Variants in SPANXN2 observed in about 807,000 individuals in gnomAD.
SPANXN2 encodes SPANX family member N2.
A neutral mutation model predicts 2.0 loss-of-function variants in SPANXN2; 1 was observed. That is an observed-to-expected ratio of 0.50 (90% CI 0.18 to 2.36). The LOEUF is 2.36. Ranked by LOEUF, SPANXN2 falls within the 30% of genes most tolerant of loss-of-function variation. SPANXN2 has a pLI of 0.26. For missense variants in SPANXN2, 88 were observed against 116.7 expected, an observed-to-expected ratio of 0.75 and a Z score of 1.13; for synonymous variants, 43 against 49.8, an observed-to-expected ratio of 0.86 and a Z score of 0.58.
intron 1 of SPANXN2, among the ~76,000 whole-genome samples, chrX:143,713,572 C>A (rs781961105): frequency 7.2e-5 from 8 of 111,588 alleles, no homozygotes; most frequent in African/African-American, 2.6e-4. Context: ...ACGTTTGCCA[C>A]TCTGGCTGCT....
At chrX:143,718,926 T>C (rs1236773985) in intron 1 of SPANXN2, among the ~76,000 whole-genome samples, 1 of 111,229 alleles carries the variant, frequency 9.0e-6, no homozygotes, top group Admixed American at 9.6e-5. Context: ...TCAGCCTCAC[T>C]GCCTCTTAAA....
At chrX:143,713,700 C>T (rs1932207458) in intron 1 of SPANXN2, among the ~76,000 whole-genome samples, 2 of 111,418 alleles carry the variant, frequency 1.8e-5, no homozygotes, top group African/African-American at 6.6e-5. Context: ...GGAGTACTCG[C>T]TCACCCCTGG....
At chrX:143,712,656 G>A (rs1213494061) in intron 1 of SPANXN2, among the ~76,000 whole-genome samples, 157 bp from the exon 2 acceptor site, 15 of 110,604 alleles carry the variant, frequency 1.4e-4, no homozygotes, top group Admixed American at 5.8e-4. Flanking sequence ...TGATCTATGG[G>A]GAAGAAGAAG....
intron 1 of SPANXN2, among the ~76,000 whole-genome samples, chrX:143,712,861 G>C (rs1556448726): frequency 9.0e-6 from 1 of 111,616 alleles, no homozygotes. Context: ...GCTTGGCAAA[G>C]TTCTAAGGAA....
At chrX:143,720,216 G>A (rs1426767181) in intron 1 of SPANXN2, among the ~76,000 whole-genome samples, 8 of 109,782 alleles carry the variant, frequency 7.3e-5, no homozygotes, top group South Asian at 3.9e-4. Context: ...CGGGGGTTCG[G>A]GCCATGAGAA....
Position 143,717,477 on chromosome X carries a change from A to AT in SPANXN2, c.78+3113dup, listed in dbSNP as rs199825495. ...CCTTAAAACCCCATCGTTATTGCTC[A>AT]TTTTTTTTCCCAGCATACACCCTGT... On this transcript the variant is annotated intron_variant, in intron 1 of 1. Transcript: ENST00000598475. Among the ~76,000 whole-genome samples, 579 of 110,590 alleles carry AT rather than the reference A, an allele frequency of 5.2e-3. 3 individuals are homozygous for AT. The highest frequency in any genetic ancestry group is 0.018 in the African/African-American group (536 of 30,377).
At chrX:143,714,633 C>G (rs1932227354) in intron 1 of SPANXN2, among the ~76,000 whole-genome samples, 2 of 111,962 alleles carry the variant, frequency 1.8e-5, no homozygotes, top group African/African-American at 6.5e-5. Flanking sequence ...CGTTTCCTCT[C>G]CTGCCTTTCA....
intron 1 of SPANXN2, among the ~76,000 whole-genome samples, chrX:143,714,424 C>A (rs1556449129): frequency 9.0e-6 from 1 of 111,320 alleles, no homozygotes; most frequent in African/African-American, 3.3e-5. Flanking sequence ...CCCTGGAGGA[C>A]AGGGAACACA....
At chrX:143,715,203 C>G (rs1932237696) in intron 1 of SPANXN2, among the ~76,000 whole-genome samples, 1 of 111,189 alleles carries the variant, frequency 9.0e-6, no homozygotes, top group Non-Finnish European at 1.9e-5. Context: ...CATGTCTTTC[C>G]TATTGGATAC....
intron 1 of SPANXN2, among the ~76,000 whole-genome samples, chrX:143,715,233 C>T (rs1199641790): frequency 2.7e-5 from 3 of 110,985 alleles, no homozygotes; most frequent in African/African-American, 9.9e-5. Flanking sequence ...CAACTAGTTA[C>T]TCAGTTTGAC....
At chrX:143,714,914 C>A (rs1308198786) in intron 1 of SPANXN2, among the ~76,000 whole-genome samples, 8 of 111,799 alleles carry the variant, frequency 7.2e-5, no homozygotes, top group African/African-American at 2.0e-4. Flanking sequence ...TTCCCAAGGC[C>A]TACAGAATTC....
At chrX:143,720,534 C>G (rs1318569955) in intron 1 of SPANXN2, 57 bp downstream of exon 1, 2 of 1,165,650 alleles carry the variant, frequency 1.7e-6, no homozygotes, top group Non-Finnish European at 1.2e-6. Flanking sequence ...TGAGCCGTCC[C>G]TTCTCTGTGT....
intron 1 of SPANXN2, among the ~76,000 whole-genome samples, chrX:143,719,515 G>A (rs781942078): frequency 1.8e-5 from 2 of 111,734 alleles, no homozygotes; most frequent in Non-Finnish European, 3.8e-5. Flanking sequence ...TAAAACAAAG[G>A]GTTTGTGCAG....
chrX:143,712,901 G>A (rs2124001516), intron 1 of SPANXN2, among the ~76,000 whole-genome samples: 1 of 111,316 alleles, frequency 9.0e-6, no homozygotes, highest in South Asian at 3.8e-4. Flanking sequence ...TGGAAAAAGG[G>A]CCAAACCACC....
intron 1 of SPANXN2, among the ~76,000 whole-genome samples, chrX:143,718,569 G>T (rs781981142): frequency 3.6e-5 from 4 of 111,757 alleles, no homozygotes; most frequent in Non-Finnish European, 7.5e-5. Flanking sequence ...TCCACATCTA[G>T]AAATTTGTTC....
At chrX:143,715,472 T>C (rs1434595231) in intron 1 of SPANXN2, among the ~76,000 whole-genome samples, 1 of 110,186 alleles carries the variant, frequency 9.1e-6, no homozygotes, top group East Asian at 2.9e-4. Flanking sequence ...CCTTTTATTT[T>C]ACTCTGACAC....
intron 1 of SPANXN2, among the ~76,000 whole-genome samples, chrX:143,719,637 A>G (rs1431632382): frequency 3.6e-5 from 4 of 112,068 alleles, no homozygotes; most frequent in Non-Finnish European, 7.5e-5. Flanking sequence ...CCTACTGGCC[A>G]ATTGGTCAGG....
At chrX:143,715,150 C>T (rs1417171113) in intron 1 of SPANXN2, among the ~76,000 whole-genome samples, 2 of 111,546 alleles carry the variant, frequency 1.8e-5, no homozygotes, top group East Asian at 5.7e-4. Context: ...ACTGCCATCA[C>T]CACCTCGGAA....
chrX:143,718,925 C>T (rs1472542929), intron 1 of SPANXN2, among the ~76,000 whole-genome samples: 3 of 111,304 alleles, frequency 2.7e-5, no homozygotes, highest in Admixed American at 1.9e-4. Flanking sequence ...ATCAGCCTCA[C>T]TGCCTCTTAA....
Sources: allele counts gnomAD v4.1 joint callset (sites outside exome capture counted in the v4.1 genomes callset), GRCh38; gene constraint gnomAD v4.1.1; transcripts MANE v1.5; gene names NCBI Gene and HGNC (gene_info 2026-07-23, HGNC 2026-07-21).